The following TNC variants were observed in gnomAD, a reference collection of about 807,000 sequenced individuals.
The protein encoded by TNC is tenascin C.
In TNC, 109 loss-of-function variants were observed where a neutral mutation model predicts 202.4. The ratio of observed to expected loss-of-function variants is 0.54; its 90% CI spans 0.46 to 0.63. The LOEUF (loss-of-function observed/expected upper bound fraction) is 0.63. TNC is among the 30% of genes least tolerant of loss of function. The probability of loss-of-function intolerance (pLI) is 0.00; values close to 1 mark genes in which losing one functional copy is unlikely to be tolerated. For missense variants in TNC, 2,756 were observed against 2,833.3 expected, an observed-to-expected ratio of 0.97 and a Z score of 0.62; for synonymous variants, 1,007 against 1,089.7, an observed-to-expected ratio of 0.92 and a Z score of 1.50.
rs1833619828 is a variant in TNC at position 115,073,604 on chromosome 9, A to G, written c.3213T>C (p.Thr1071=). ...GGAGGAAGCTCAGGGCAGACTCACC[A>G]GTGGATGCCTTCACACGTGCGGGCT... ...KSKPARVKAS[T]EQAPELENLT... The change falls in exon 10 of 28, where the codon ACT becomes ACC. Residue 1071 remains threonine (T), a splice_region_variant and synonymous_variant. Coordinates refer to ENST00000350763, the MANE Select transcript of TNC (RefSeq NM_002160.4). 1.9e-6 allele frequency: 3 copies of G among 1,612,402 alleles called. No individual in the cohort carries two copies. The African/African-American group carries it at 4.0e-5, about 22-fold the overall frequency.
chr9:115,031,872 A>G (rs1200080461), intron 22 of TNC, among the ~76,000 whole-genome samples, 187 bp from the exon 23 acceptor site: 4 of 152,168 alleles, frequency 2.6e-5, no homozygotes, highest in Admixed American at 2.6e-4. Flanking sequence ...TGGGGAGAGT[A>G]CAGCACAAGC....
intron 22 of TNC, 62 bp from the exon 23 acceptor site, chr9:115,031,747 G>T: frequency 6.4e-7 from 1 of 1,568,830 alleles, no homozygotes; most frequent in Non-Finnish European, 8.6e-7. Context: ...GTATAGATAA[G>T]AAGTCATTCT....
At position 115,026,601 on chromosome 9, in the gene TNC, G is replaced by A. The variant is rs1234729808; in HGVS notation, c.6264C>T (p.Asp2088=). 6.2e-7 allele frequency: 1 copy of A among 1,613,980 alleles called. No individual in the cohort carries two copies. Among genetic ancestry groups the A allele is most frequent in the Admixed American group, 1.7e-5 (1 of 60,014 alleles). ...DHGETAFAVY[D]KFSVGDAKTR... The stretch of plus-strand genomic sequence containing the variant: ...TCTTGGCATCTCCCACGCTGAACTT[G>A]TCATAGACAGCAAAGGCTGTCTCCC... The change falls in exon 26 of 28, where the codon GAC becomes GAT. Residue 2088 remains aspartate, a synonymous_variant. Transcript: ENST00000350763.
At chr9:115,043,041 T>C (rs569078429) in intron 17 of TNC, among the ~76,000 whole-genome samples, 2 of 152,254 alleles carry the variant, frequency 1.3e-5, no homozygotes, top group African/African-American at 4.8e-5. Context: ...AGAAAAGCCA[T>C]GCCCAGGGGG....
At chr9:115,111,491 C>T (rs536838217) in intron 1 of TNC, among the ~76,000 whole-genome samples, 12 of 142,450 alleles carry the variant, frequency 8.4e-5, no homozygotes, top group Non-Finnish European at 1.2e-4. Flanking sequence ...TCACTGCAAC[C>T]TACGACTCCC....
chr9:115,073,668 T>G lies in TNC; in HGVS notation c.3149A>C (p.Asn1050Thr), dbSNP rs541739568. ...LRGLEPGQEYNVLLTAEKGRH... is the reference protein window; with the variant it reads ...LRGLEPGQEYTVLLTAEKGRH... Reference sequence around the variant, plus strand: ...GCCTTTCTCGGCTGTCAGGAGGACATTGTACTCCTGTCCTGGTTCCAGGCC... The same window carrying G: ...GCCTTTCTCGGCTGTCAGGAGGACAGTGTACTCCTGTCCTGGTTCCAGGCC... Residue 1050 changes from asparagine (N) to threonine (T), a missense_variant, in exon 10 of 28, where the codon AAT becomes ACT. Physicochemically the swap from Asn to Thr is moderately conservative, Grantham distance 65. Coordinates refer to ENST00000350763, the MANE Select transcript of TNC (RefSeq NM_002160.4). 6.2e-7 allele frequency: 1 copy of G among 1,614,118 alleles called. No homozygotes were observed. The highest frequency in any genetic ancestry group is 1.3e-5 in the African/African-American group (1 of 75,050).
intron 1 of TNC, among the ~76,000 whole-genome samples, chr9:115,113,805 G>A (rs911544369): frequency 1.3e-5 from 2 of 152,098 alleles, no homozygotes; most frequent in Admixed American, 1.3e-4. Context: ...TTTTCCGTTC[G>A]CGATCTGCTT....
In TNC at chr9:115,076,570, C is replaced by T. The variant is rs371107764; in HGVS notation, c.2680G>A (p.Asp894Asn). 9.3e-6 allele frequency: 15 copies of T among 1,613,920 alleles called. No homozygotes were observed. Among genetic ancestry groups the T allele is most frequent in the Admixed American group, 3.3e-5 (2 of 60,004 alleles). ...ACACGTCGAAGATTCCTGGGAGCATCGAGGCCTGTTTGAGAGAAGGAACAT... is the reference window on the plus strand; with the variant it reads ...ACACGTCGAAGATTCCTGGGAGCATTGAGGCCTGTTTGAGAGAAGGAACAT... Reference protein sequence around the residue: ...PAKETFTTGLDAPRNLRRVSQ... With the variant: ...PAKETFTTGLNAPRNLRRVSQ... The change falls in exon 8 of 28, where the codon GAT becomes AAT. Residue 894 changes from aspartate (D) to asparagine (N), a missense_variant. Around this residue, in one of 2 missense-constraint regions of TNC, gnomAD observed 2,559 missense variants for 2,546.0 expected, o/e 1.01. Coordinates refer to ENST00000350763, the MANE Select transcript of TNC (RefSeq NM_002160.4).
intron 6 of TNC, 77 bp from the exon 7 acceptor site, chr9:115,078,289 A>G: frequency 6.8e-7 from 1 of 1,480,688 alleles, no homozygotes; most frequent in Non-Finnish European, 9.1e-7. Flanking sequence ...GGACTTTGTA[A>G]CTCTCCAGAC....
chr9:115,087,119 C>T lies in TNC; in HGVS notation c.612G>A (p.Gln204=), dbSNP rs766459680. 3 of 1,614,142 alleles carry T rather than the reference C, an allele frequency of 1.9e-6. No homozygotes were observed. Among genetic ancestry groups the T allele is most frequent in the African/African-American group, 2.7e-5 (2 of 74,952 alleles). ...CCGTGAAGCCGTCGTCACAGATGCA[C>T]TGCCCATCAATGCACCGGCCTCGAA... ...CHLRGRCIDG[Q]CICDDGFTGE... Residue 204 remains glutamine (Q), a synonymous_variant, in exon 3 of 28, where the codon CAG becomes CAA. Coordinates refer to ENST00000350763, the MANE Select transcript of TNC (RefSeq NM_002160.4).
rs1285222066 is a variant in TNC, at chr9:115,020,387, CCT to C, written c.*768_*769del. 1.2e-5 allele frequency: 2 copies of C among 161,104 alleles called. No individual in the cohort carries two copies. Among genetic ancestry groups the C allele is most frequent in the Non-Finnish European group, 2.7e-5 (2 of 74,304 alleles). 10.0% of individuals were successfully genotyped at this position (161,104 alleles called of 1,614,324 possible). A position where few individuals can be genotyped will look rare whatever the true frequency, so the allele number is the denominator to read the frequency against. ...CAACTTTATTTAAAAAAAGTGCTTC[CCT>C]CTCTCCCAGTCTTTAGTCTCCTTTC... On this transcript the variant is annotated 3_prime_UTR_variant, in exon 28 of 28. Transcript: ENST00000350763.
intron 17 of TNC, among the ~76,000 whole-genome samples, chr9:115,043,436 GC>G (rs1290574999): frequency 6.6e-6 from 1 of 152,166 alleles, no homozygotes; most frequent in Non-Finnish European, 1.5e-5. Flanking sequence ...GCCTGAAAGA[GC>G]TTCATTGTCC....
intron 1 of TNC, among the ~76,000 whole-genome samples, chr9:115,102,111 G>A (rs993997513): frequency 1.2e-4 from 18 of 152,114 alleles, no homozygotes; most frequent in African/African-American, 3.1e-4. Context: ...GAGGCATAGA[G>A]TCTTTACATG....
chr9:115,078,814 T>C lies in TNC; in HGVS notation c.2405-602A>G, dbSNP rs1034330422. On this transcript the variant is annotated intron_variant, in intron 6 of 27. Coordinates refer to ENST00000350763, the MANE Select transcript of TNC (RefSeq NM_002160.4). ...TTTTTCTGCCCCACCTACTCTGGTG[T>C]TGTACTCTGATAGATGCTCAGAGCT... Among the ~76,000 whole-genome samples, 26 of 152,274 alleles carry C rather than the reference T, an allele frequency of 1.7e-4. 1 individual carries two copies. Among genetic ancestry groups the C allele is most frequent in the Admixed American group, 4.6e-4 (7 of 15,292 alleles).
rs2131994213 is a variant in TNC at position 115,042,241 on chromosome 9, A to T, written c.5226T>A (p.Ile1742=). The change falls in exon 18 of 28, where the codon ATT becomes ATA. Residue 1742 remains isoleucine, a synonymous_variant. Transcript: ENST00000350763. ...TACCTCCTGTAATGGGCACATAGGT[A>T]ATCCGGAAGCTCTCCACTTGGGCTG... is the stretch of plus-strand genomic sequence containing the variant. ...APTAQVESFR[I]TYVPITGGTP... 1 of 1,614,122 alleles carries T rather than the reference A, an allele frequency of 6.2e-7. No individual in the cohort carries two copies. Among genetic ancestry groups the T allele is most frequent in the East Asian group, 2.2e-5 (1 of 44,880 alleles).
Position 115,081,741 on chromosome 9 carries a change from T to C in TNC, c.2404+31A>G, listed in dbSNP as rs73656724. ...GTGCTATGAGGTACAATCAGCCTTA[T>C]CATTCTATAAGTATTAAAGGTGATA... On this transcript the variant is annotated intron_variant, in intron 6 of 27. Coordinates refer to ENST00000350763, the MANE Select transcript of TNC (RefSeq NM_002160.4). The C allele has an allele frequency of 1.2e-3, 1,944 of 1,613,072 alleles. 22 individuals carry two copies. The African/African-American group carries it at 0.021, about 18-fold the overall frequency.
chr9:115,095,935 T>C (rs369116539), intron 1 of TNC, among the ~76,000 whole-genome samples: 1 of 152,058 alleles, frequency 6.6e-6, no homozygotes, highest in Non-Finnish European at 1.5e-5. Flanking sequence ...AGTCTTTGCA[T>C]TGGCACAAAA....
At position 115,057,232 on chromosome 9, in the gene TNC, A is replaced by G. The variant is rs1564448843; in HGVS notation, c.4500T>C (p.Pro1500=). ...AGAGGTAGACAATAAAATCAGTACT[A>G]GGGGGTAGCCCTGAGATATGGGCAG... The part of the protein sequence containing the change: ...ERTAHISGLP[P]STDFIVYLSG... The change falls in exon 15 of 28, where the codon CCT becomes CCC. Residue 1500 remains proline (P), a synonymous_variant. Coordinates refer to ENST00000350763, the MANE Select transcript of TNC (RefSeq NM_002160.4). 6.2e-7 allele frequency: 1 copy of G among 1,614,156 alleles called. No individual in the cohort carries two copies. Among genetic ancestry groups the G allele is most frequent in the East Asian group, 2.2e-5 (1 of 44,878 alleles).
intron 1 of TNC, among the ~76,000 whole-genome samples, chr9:115,099,143 T>G (rs1368535004): frequency 1.3e-5 from 2 of 152,094 alleles, no homozygotes; most frequent in East Asian, 3.9e-4. Context: ...GTTAAGATGC[T>G]GGGGGAGCCA....
Sources: gnomAD v4.1 joint callset for allele counts (sites outside exome capture counted in the v4.1 genomes callset) on GRCh38, gnomAD v4.1.1 for gene constraint, gnomAD v4.1.1 regional missense constraint, MANE v1.5 for transcripts, NCBI Gene and HGNC (gene_info 2026-07-23, HGNC 2026-07-21) for gene names.